Variants in HS6ST2 observed in about 807,000 individuals in gnomAD.
The protein encoded by HS6ST2 is heparan sulfate 6-O-sulfotransferase 2.
A neutral mutation model predicts 33.0 loss-of-function variants in HS6ST2; 17 were observed. That is an observed-to-expected ratio of 0.52 (90% CI 0.35 to 0.77). The LOEUF (loss-of-function observed/expected upper bound fraction) is 0.77. Among genes scored for constraint, HS6ST2 ranks in the 30% least tolerant of loss-of-function variants. The pLI is 0.01. For missense variants in HS6ST2, 519 were observed against 551.7 expected, an observed-to-expected ratio of 0.94 and a Z score of 0.59; for synonymous variants, 248 against 237.1, an observed-to-expected ratio of 1.05 and a Z score of -0.42.
chrX:132,766,122 C>A (rs991419740), intron 2 of HS6ST2, among the ~76,000 whole-genome samples: 11 of 111,969 alleles, frequency 9.8e-5, no homozygotes, highest in Admixed American at 2.8e-4. Context: ...TATTTTCAAC[C>A]AGACCCCAAG....
chrX:132,631,503 C>T (rs1569475191), intron 4 of HS6ST2, among the ~76,000 whole-genome samples: 1 of 110,762 alleles, frequency 9.0e-6, no homozygotes, highest in Non-Finnish European at 1.9e-5. Context: ...GGGTTCCCTC[C>T]TTCCACTCCT....
At position 132,804,850 on chromosome X, in the gene HS6ST2, T is replaced by C. The variant is rs1340302179; in HGVS notation, c.948-96356A>G. Among the ~76,000 whole-genome samples the C allele has an allele frequency of 2.7e-5, 3 of 111,525 alleles. No homozygotes were observed. The East Asian group carries it at 8.4e-4, about 31-fold the overall frequency. ...AGACACAGGGCATTGGCTCTGTTAC[T>C]TTACTGAAGTGGTAGTTTGGACATT... On this transcript the variant is annotated intron_variant, in intron 2 of 4. Coordinates refer to ENST00000370833, the MANE Select transcript of HS6ST2 (RefSeq NM_001394073.1).
chrX:132,940,439 A>G (rs772943525), intron 2 of HS6ST2, among the ~76,000 whole-genome samples: 1 of 112,188 alleles, frequency 8.9e-6, no homozygotes, highest in Non-Finnish European at 1.9e-5. Context: ...GGACTTCACC[A>G]AAATTTAAAA....
intron 2 of HS6ST2, among the ~76,000 whole-genome samples, chrX:132,824,996 T>G (rs868542661): frequency 1.9e-5 from 1 of 51,330 alleles, no homozygotes; most frequent in African/African-American, 1.3e-4. Flanking sequence ...AACAACTACT[T>G]AGTGATTGAA....
At chrX:132,838,865 T>C (rs188776531) in intron 2 of HS6ST2, among the ~76,000 whole-genome samples, 248 of 107,988 alleles carry the variant, frequency 2.3e-3, no homozygotes, top group Middle Eastern at 0.015. Flanking sequence ...AACAAGCATA[T>C]AATAAAATGC....
chrX:132,715,655 T>C lies in HS6ST2; in HGVS notation c.948-7161A>G, dbSNP rs139264790. On this transcript the variant is annotated intron_variant, in intron 2 of 4. Transcript: ENST00000370833. ...ACTTGACAGCACATCATCCACCCTGTGTCCATCAGAGCCTGCCTAGGGGCA... is the reference window on the plus strand; with the variant it reads ...ACTTGACAGCACATCATCCACCCTGCGTCCATCAGAGCCTGCCTAGGGGCA... 9.1e-3 allele frequency among the ~76,000 whole-genome samples: 1,020 copies of C among 111,645 alleles called. 7 individuals carry two copies. The highest frequency in any genetic ancestry group is 0.014 in the Non-Finnish European group (752 of 53,108).
intron 2 of HS6ST2, among the ~76,000 whole-genome samples, chrX:132,752,952 C>G (rs1036424052): frequency 8.9e-5 from 10 of 112,419 alleles, no homozygotes; most frequent in Middle Eastern, 4.2e-3. Flanking sequence ...GCTTCCAGAG[C>G]TCTATCTGAG....
chrX:132,858,283 A>T (rs937005398), intron 2 of HS6ST2, among the ~76,000 whole-genome samples: 1 of 112,042 alleles, frequency 8.9e-6, no homozygotes, highest in African/African-American at 3.2e-5. Flanking sequence ...AGTTTGATGA[A>T]TAGAGACTCA....
At chrX:132,762,292 G>T (rs1233948245) in intron 2 of HS6ST2, among the ~76,000 whole-genome samples, 1 of 111,293 alleles carries the variant, frequency 9.0e-6, no homozygotes, top group African/African-American at 3.3e-5. Context: ...TGTATTTTTA[G>T]TGGCAATCCC....
intron 3 of HS6ST2, among the ~76,000 whole-genome samples, chrX:132,693,577 T>G (rs1478635562): frequency 9.0e-6 from 1 of 111,147 alleles, no homozygotes; most frequent in Non-Finnish European, 1.9e-5. Context: ...ATAAAGGAGA[T>G]GAAGGTTGAG....
intron 2 of HS6ST2, among the ~76,000 whole-genome samples, chrX:132,893,456 A>G (rs989641862): frequency 2.7e-5 from 3 of 112,276 alleles, no homozygotes; most frequent in African/African-American, 9.7e-5. Flanking sequence ...CTCTAAGCAG[A>G]GTGAGTGGCC....
chrX:132,794,338 CACTT>C (rs1251195435), intron 2 of HS6ST2, among the ~76,000 whole-genome samples: 3 of 111,784 alleles, frequency 2.7e-5, no homozygotes, highest in African/African-American at 9.8e-5. Flanking sequence ...TTCTTATAAT[CACTT>C]ATGTGTATGT....
chrX:132,758,319 G>A (rs1250635278), intron 2 of HS6ST2: 1 of 112,117 alleles, frequency 8.9e-6, no homozygotes, highest in African/African-American at 3.2e-5. Context: ...CTCGCCAGGT[G>A]ATTCTGCTGC....
At chrX:132,941,343 A>G (rs1306883614) in intron 2 of HS6ST2, among the ~76,000 whole-genome samples, 1 of 111,616 alleles carries the variant, frequency 9.0e-6, no homozygotes, top group East Asian at 2.8e-4. Context: ...AGCTCTCCCC[A>G]TATCAAAAGC....
intron 3 of HS6ST2, among the ~76,000 whole-genome samples, chrX:132,681,768 T>C (rs1025847182): frequency 8.9e-6 from 1 of 112,326 alleles, no homozygotes. Flanking sequence ...TTTCAAACAA[T>C]GGTCCTCTGG....
At chrX:132,679,733 C>T (rs1050502946) in intron 3 of HS6ST2, among the ~76,000 whole-genome samples, 2 of 107,953 alleles carry the variant, frequency 1.9e-5, no homozygotes, top group African/African-American at 6.8e-5. Flanking sequence ...CAGCCTCGAC[C>T]ATAGAAGACA....
intron 3 of HS6ST2, among the ~76,000 whole-genome samples, chrX:132,699,862 G>T (rs753208429): frequency 1.5e-4 from 17 of 112,122 alleles, no homozygotes; most frequent in African/African-American, 4.5e-4. Flanking sequence ...CATCATCTAT[G>T]ACATTGTCAA....
intron 2 of HS6ST2, among the ~76,000 whole-genome samples, chrX:132,881,126 C>T (rs979679821): frequency 6.3e-5 from 7 of 111,282 alleles, no homozygotes; most frequent in African/African-American, 2.3e-4. Context: ...ATTTATAATC[C>T]TTTGGGTATA....
intron 2 of HS6ST2, chrX:132,735,532 G>C (rs1437929960): frequency 8.9e-6 from 1 of 112,185 alleles, no homozygotes; most frequent in Non-Finnish European, 1.9e-5. Context: ...GGGTCAGGAA[G>C]GTTGCAAAGG....
Sources: allele counts gnomAD v4.1 joint callset (sites outside exome capture counted in the v4.1 genomes callset), GRCh38; gene constraint gnomAD v4.1.1; transcripts MANE v1.5; gene names NCBI Gene and HGNC (gene_info 2026-07-23, HGNC 2026-07-21).